CNTLN: variants seen among roughly 807,000 people sequenced by gnomAD.
CNTLN encodes the protein centlein, also known as centlein, centrosomal protein.
CNTLN carries 212 observed loss-of-function variants against 180.0 expected under a neutral mutation model. That is an observed-to-expected ratio of 1.18 (90% CI 1.05 to 1.32). The LOEUF is 1.32. CNTLN is among the 40% of genes most tolerant of loss of function. The pLI, the probability that CNTLN is intolerant of heterozygous loss-of-function variation, is 0.00. For synonymous variants in CNTLN, 722 were observed against 563.1 expected (o/e 1.28, Z -3.99); for missense variants, 2,095 against 1,610.9 (o/e 1.30, Z -5.14).
chr9:17,296,846 A>G (rs1011519296), intron 6 of CNTLN, among the ~76,000 whole-genome samples: 3 of 152,166 alleles, frequency 2.0e-5, no homozygotes, highest in African/African-American at 4.8e-5. Flanking sequence ...GAGAACATTA[A>G]TGTTCTAAAT....
Position 17,235,730 on chromosome 9 carries a change from T to C in CNTLN, c.607T>C (p.Phe203Leu). 1 of 1,608,264 alleles carries C rather than the reference T, an allele frequency of 6.2e-7. No individual in the cohort carries two copies. Residue 203 changes from phenylalanine (F) to leucine (L), a missense_variant, in exon 4 of 26, where the codon TTC (phenylalanine) becomes CTC (leucine). Coordinates refer to ENST00000380647, the MANE Select transcript of CNTLN (RefSeq NM_017738.4). ...RKIAVDEENA[F>L]LRKEFSDLEK... The stretch of plus-strand genomic sequence containing the variant: ...AATTGCAGTAGATGAAGAAAATGCT[T>C]TCTTAAGGAAAGAATTCAGTGACTT...
In CNTLN at chr9:17,339,415, G is replaced by T. The variant is rs530260302; in HGVS notation, c.1645-1412G>T. On this transcript the variant is annotated intron_variant, in intron 10 of 25. Transcript: ENST00000380647. ...ACTTTTGCTTTGTGTCCTTAAAAGGGCTGGGGCCCCACCACCTAGGTTAAC... is the reference window on the plus strand; with the variant it reads ...ACTTTTGCTTTGTGTCCTTAAAAGGTCTGGGGCCCCACCACCTAGGTTAAC... Among the ~76,000 whole-genome samples the T allele has an allele frequency of 2.0e-5, 3 of 152,292 alleles. No homozygotes were observed. The South Asian group carries it at 6.2e-4, about 32-fold the overall frequency.
intron 2 of CNTLN, among the ~76,000 whole-genome samples, chr9:17,158,688 T>C (rs1586950380): frequency 1.3e-5 from 2 of 152,166 alleles, no homozygotes; most frequent in South Asian, 2.1e-4. Context: ...CTTACATTTT[T>C]ATAGTTTTTT....
Position 17,328,317 on chromosome 9 carries a change from C to T in CNTLN, c.1342-2315C>T, listed in dbSNP as rs570963038. 3.9e-5 allele frequency among the ~76,000 whole-genome samples: 6 copies of T among 152,202 alleles called. No individual in the cohort carries two copies. The East Asian group carries it at 1.2e-3, about 29-fold the overall frequency. ...CCCACTACCACATTCTCAAAGTAAC[C>T]CATAAACTGGGTCCAACCAACATTT... On this transcript the variant is annotated intron_variant, in intron 8 of 25. Coordinates refer to ENST00000380647, the MANE Select transcript of CNTLN (RefSeq NM_017738.4).
rs1333306063 is a variant in CNTLN at position 17,388,304 on chromosome 9, A to G, written c.2079+51A>G. The G allele has an allele frequency of 1.1e-5, 13 of 1,198,040 alleles. No homozygotes were observed. In the Admixed American group the frequency reaches 2.0e-4, roughly 19 times the overall value. The allele number at this position is 1,198,040 out of a possible 1,614,324, so 74.2% of individuals were successfully genotyped here. ...CTGAGCAAGTTAAATCTGAATTTTA[A>G]CATAAAGGATTATATTTTAAAACGA... On this transcript the variant is annotated intron_variant, in intron 14 of 25. Coordinates refer to ENST00000380647, the MANE Select transcript of CNTLN (RefSeq NM_017738.4).
intron 18 of CNTLN, among the ~76,000 whole-genome samples, chr9:17,431,917 A>T (rs1359198073): frequency 6.6e-6 from 1 of 152,230 alleles, no homozygotes; most frequent in Non-Finnish European, 1.5e-5. Context: ...GAAGCATCTT[A>T]TTAAAGCACT....
Position 17,415,861 on chromosome 9 carries a change from A to C in CNTLN, c.2870A>C (p.His957Pro), listed in dbSNP as rs1294707438. The change falls in exon 17 of 26, where the codon CAT becomes CCT. Residue 957 changes from histidine to proline, a missense_variant. By Grantham distance (77) the His-to-Pro change is moderately conservative. Coordinates refer to ENST00000380647, the MANE Select transcript of CNTLN (RefSeq NM_017738.4). Reference protein sequence around the residue: ...KKNCKMQKSSHTAVPTRVNRE... With the variant: ...KKNCKMQKSSPTAVPTRVNRE... ...AATTGCAAGATGCAAAAGAGTTCAC[A>C]TACAGCAGTTCCTACTAGAGGTAAG... 2 of 1,612,382 alleles carry C rather than the reference A, an allele frequency of 1.2e-6. No individual in the cohort carries two copies. The highest frequency in any genetic ancestry group is 2.2e-5 in the East Asian group (1 of 44,760).
At chr9:17,283,701 T>G (rs1292479062) in intron 6 of CNTLN, among the ~76,000 whole-genome samples, 2 of 152,206 alleles carry the variant, frequency 1.3e-5, no homozygotes, top group Non-Finnish European at 2.9e-5. Context: ...GTTTCCAGCT[T>G]TTGCCCATTC....
At chr9:17,409,575 C>G (rs1827681936) in intron 16 of CNTLN, 102 bp downstream of exon 16, 1 of 854,650 alleles carries the variant, frequency 1.2e-6, no homozygotes, top group Non-Finnish European at 1.8e-6. Context: ...AATTTGAATT[C>G]TTACAAGTTA....
At chr9:17,469,806 C>G (rs927420477) in intron 23 of CNTLN, among the ~76,000 whole-genome samples, 1 of 145,680 alleles carries the variant, frequency 6.9e-6, no homozygotes, top group African/African-American at 2.8e-5. Context: ...TCCTTTAACT[C>G]TGTAGTTAAG....
In CNTLN at chr9:17,135,275, G is replaced by A. The variant is rs141168032; in HGVS notation, c.210G>A (p.Gly70=). ...GGTCAGGGGGCCGGCGAGGGCCTGG[G>A]GGGGCAGCTCCGGCTCATGCTCCCC... ...EEGSGGRRGP[G]GAAPAHAPLL... is the part of the protein sequence containing the mutation. The change falls in exon 1 of 26, where the codon GGG becomes GGA. Residue 70 remains glycine (G), a synonymous_variant. Coordinates refer to ENST00000380647, the MANE Select transcript of CNTLN (RefSeq NM_017738.4). 6.2e-7 allele frequency: 1 copy of A among 1,602,360 alleles called. No individual in the cohort carries two copies.
intron 12 of CNTLN, among the ~76,000 whole-genome samples, chr9:17,358,708 C>T (rs1195656489): frequency 6.6e-6 from 1 of 151,998 alleles, no homozygotes; most frequent in Non-Finnish European, 1.5e-5. Context: ...AATAATTCTA[C>T]TTCTAGTTAG....
chr9:17,274,596 G>T (rs943005789), intron 6 of CNTLN, among the ~76,000 whole-genome samples: 2 of 151,766 alleles, frequency 1.3e-5, no homozygotes, highest in African/African-American at 4.8e-5. Flanking sequence ...ATTTATTTTG[G>T]TAGCACCAGA....
chr9:17,310,916 T>G (rs1587613924), intron 8 of CNTLN, among the ~76,000 whole-genome samples: 2 of 152,210 alleles, frequency 1.3e-5, no homozygotes, highest in East Asian at 3.8e-4. Context: ...GCTCTTTATA[T>G]ATTCTTAATA....
At chr9:17,206,419 C>T (rs115570524) in intron 2 of CNTLN, among the ~76,000 whole-genome samples, 3,364 of 152,236 alleles carry the variant, frequency 0.022, 75 homozygotes, top group African/African-American at 0.06. Context: ...ACATTAAATA[C>T]GCTTACCACA....
chr9:17,202,646 G>GTTTTTTTGTTTT (rs1554656178), intron 2 of CNTLN, among the ~76,000 whole-genome samples: 1 of 71,484 alleles, frequency 1.4e-5, no homozygotes, highest in African/African-American at 5.3e-5. Flanking sequence ...TGCAACCTCT[G>GTTTTTTTGTTTT]TTTTTTTTTT....
chr9:17,399,115 C>A (rs1317799733), intron 15 of CNTLN, among the ~76,000 whole-genome samples: 3 of 152,196 alleles, frequency 2.0e-5, no homozygotes, highest in Non-Finnish European at 4.4e-5. Flanking sequence ...TTTCCCTTAT[C>A]ACTTCTTTAA....
chr9:17,331,683 GTTATTCATGC>G (rs1820654581), intron 9 of CNTLN, among the ~76,000 whole-genome samples: 1 of 151,928 alleles, frequency 6.6e-6, no homozygotes. Flanking sequence ...CTGTGGTACT[GTTATTCATGC>G]TCTCTGAAAT....
At chr9:17,181,289 C>T (rs1020236187) in intron 2 of CNTLN, among the ~76,000 whole-genome samples, 2 of 152,114 alleles carry the variant, frequency 1.3e-5, no homozygotes, top group African/African-American at 4.8e-5. Flanking sequence ...TGATTCTTTC[C>T]TGTCCTCTCC....
Sources: allele counts gnomAD v4.1 joint callset (sites outside exome capture counted in the v4.1 genomes callset), GRCh38; gene constraint gnomAD v4.1.1; transcripts MANE v1.5; gene names NCBI Gene and HGNC (gene_info 2026-07-23, HGNC 2026-07-21).